The following HPSE2 variants were observed in gnomAD, a reference collection of about 807,000 sequenced individuals.
The protein encoded by HPSE2 is heparanase 2 (inactive), also known as inactive heparanase-2.
In HPSE2, 38 loss-of-function variants were observed where a neutral mutation model predicts 60.5. That is an observed-to-expected ratio of 0.63 (90% CI 0.48 to 0.82). The LOEUF (loss-of-function observed/expected upper bound fraction) is 0.82. Ranked by LOEUF, HPSE2 falls within the 40% of genes least tolerant of loss-of-function variation. HPSE2 has a pLI of 0.00. For synonymous variants in HPSE2, 295 were observed against 293.2 expected (o/e 1.01, Z -0.06); for missense variants, 713 against 740.4 (o/e 0.96, Z 0.43).
At position 98,773,085 on chromosome 10, in the gene HPSE2, C is replaced by G. The variant is rs149313648; in HGVS notation, c.611-29029G>C. Among the ~76,000 whole-genome samples the G allele has an allele frequency of 3.1e-4, 47 of 152,260 alleles. No individual in the cohort carries two copies. In the East Asian group the frequency reaches 7.7e-3, roughly 25 times the overall value. Reference sequence around the variant, plus strand: ...TTCCTATGGTGATCTGTTTCAAGATCCTAGCCAGAGGCATAGGAGCCTCCA... The same window carrying G: ...TTCCTATGGTGATCTGTTTCAAGATGCTAGCCAGAGGCATAGGAGCCTCCA... On this transcript the variant is annotated intron_variant, in intron 3 of 11. Transcript: ENST00000370552.
chr10:99,294,353 T>G, the HPSE2 span, among the ~76,000 whole-genome samples: 945 of 147,114 alleles, frequency 6.4e-3, 9 homozygotes, highest in African/African-American at 0.022. Context: ...ATGTAAATTT[T>G]TATATATTAT....
chr10:98,891,405 A>T (rs1332350561), intron 3 of HPSE2, among the ~76,000 whole-genome samples: 1 of 152,188 alleles, frequency 6.6e-6, no homozygotes, highest in African/African-American at 2.4e-5. Context: ...TAATGAAATT[A>T]CATTACCACT....
intron 3 of HPSE2, among the ~76,000 whole-genome samples, chr10:99,085,864 C>G (rs189281302): frequency 8.5e-5 from 13 of 152,300 alleles, no homozygotes; most frequent in Admixed American, 8.5e-4. Context: ...CTAAACACAT[C>G]AGATGCCTCA....
chr10:99,102,016 C>T (rs1467011852), intron 3 of HPSE2, among the ~76,000 whole-genome samples: 6 of 152,200 alleles, frequency 3.9e-5, no homozygotes, highest in Admixed American at 3.3e-4. Context: ...GCACTAAATG[C>T]CCACAAGAGA....
intron 5 of HPSE2, among the ~76,000 whole-genome samples, chr10:98,707,546 C>A (rs1458747817): frequency 6.6e-6 from 1 of 152,020 alleles, no homozygotes; most frequent in East Asian, 1.9e-4. Flanking sequence ...AATGAGAAAA[C>A]TATTATTTAA....
chr10:98,917,219 G>C (rs1954144209), intron 3 of HPSE2, among the ~76,000 whole-genome samples: 1 of 151,720 alleles, frequency 6.6e-6, no homozygotes. Flanking sequence ...AATTTGAGAG[G>C]GAAACACTAA....
chr10:98,985,811 C>T lies in HPSE2; in HGVS notation c.610+158427G>A, dbSNP rs192971963. Among the ~76,000 whole-genome samples, 484 of 151,430 alleles carry T rather than the reference C, an allele frequency of 3.2e-3. 3 individuals are homozygous for T. Among genetic ancestry groups the T allele is most frequent in the Non-Finnish European group, 4.3e-3 (292 of 67,830 alleles). ...GATGGAGGAAGATCTACCAAGCAAACGGAAAACAAAAAAAGGCAGGGGTTG... is the reference window on the plus strand; with the variant it reads ...GATGGAGGAAGATCTACCAAGCAAATGGAAAACAAAAAAAGGCAGGGGTTG... On this transcript the variant is annotated intron_variant, in intron 3 of 11. Coordinates refer to ENST00000370552, the MANE Select transcript of HPSE2 (RefSeq NM_021828.5).
At chr10:98,828,406 G>A (rs7096431) in intron 3 of HPSE2, among the ~76,000 whole-genome samples, 106 of 152,214 alleles carry the variant, frequency 7.0e-4, no homozygotes, top group Admixed American at 2.6e-3. Context: ...ACTCATAATC[G>A]TCTGATTCCT....
chr10:98,527,079 C>G (rs918676910), intron 9 of HPSE2, among the ~76,000 whole-genome samples: 3 of 152,086 alleles, frequency 2.0e-5, no homozygotes, highest in African/African-American at 7.2e-5. Context: ...CTTACCCCTT[C>G]CTAGCTGATT....
At chr10:98,749,954 A>ACACACACG (rs1949720481) in intron 3 of HPSE2, among the ~76,000 whole-genome samples, 1 of 146,456 alleles carries the variant, frequency 6.8e-6, no homozygotes, top group South Asian at 2.1e-4. Flanking sequence ...ATATACACAC[A>ACACACACG]CACTTACACA....
the HPSE2 span, among the ~76,000 whole-genome samples, chr10:99,305,962 CG>C: frequency 3.3e-5 from 1 of 30,104 alleles, no homozygotes; most frequent in African/African-American, 7.1e-5. Context: ...CTCACACACA[CG>C]CGCGCGCGCG....
At chr10:98,807,384 T>C (rs886886700) in intron 3 of HPSE2, among the ~76,000 whole-genome samples, 1 of 152,236 alleles carries the variant, frequency 6.6e-6, no homozygotes, top group African/African-American at 2.4e-5. Context: ...TCTTACTCTT[T>C]AAATCAGACA....
intron 9 of HPSE2, among the ~76,000 whole-genome samples, chr10:98,555,584 A>G (rs560324994): frequency 4.6e-5 from 7 of 152,204 alleles, no homozygotes; most frequent in Non-Finnish European, 8.8e-5. Flanking sequence ...CCTTGCCTCA[A>G]GCAAATAAGC....
At chr10:98,804,699 C>T (rs10883207) in intron 3 of HPSE2, among the ~76,000 whole-genome samples, 7,896 of 152,020 alleles carry the variant, frequency 0.052, 444 homozygotes, top group East Asian at 0.17. Context: ...TAAATTAGTA[C>T]GACTACTATG....
At chr10:99,250,013 G>T in the HPSE2 span, among the ~76,000 whole-genome samples, 1 of 151,860 alleles carries the variant, frequency 6.6e-6, no homozygotes, top group Non-Finnish European at 1.5e-5. Flanking sequence ...CATGGTGGCG[G>T]GTGCCTGTAA....
intron 3 of HPSE2, among the ~76,000 whole-genome samples, chr10:98,940,272 C>CA (rs1219585546): frequency 7.0e-6 from 1 of 143,372 alleles, no homozygotes; most frequent in African/African-American, 2.8e-5. Flanking sequence ...AAAAACCCTT[C>CA]AAAAAATTAA....
At chr10:99,080,015 G>C (rs1272066478) in intron 3 of HPSE2, among the ~76,000 whole-genome samples, 1 of 152,096 alleles carries the variant, frequency 6.6e-6, no homozygotes, top group Non-Finnish European at 1.5e-5. Context: ...TCTTGTGAAA[G>C]GGTATCCTGA....
At chr10:98,559,007 G>A (rs573981508) in intron 9 of HPSE2, among the ~76,000 whole-genome samples, 1 of 152,110 alleles carries the variant, frequency 6.6e-6, no homozygotes, top group East Asian at 1.9e-4. Context: ...TGTGTCCCTG[G>A]GAATCGAAGC....
chr10:99,100,349 A>G (rs986003772), intron 3 of HPSE2, among the ~76,000 whole-genome samples: 23 of 152,346 alleles, frequency 1.5e-4, no homozygotes, highest in Non-Finnish European at 5.9e-5. Flanking sequence ...ACAAATACAT[A>G]AGCTTCAGTA....
Sources: allele counts gnomAD v4.1 joint callset (sites outside exome capture counted in the v4.1 genomes callset), GRCh38; gene constraint gnomAD v4.1.1; transcripts MANE v1.5; gene names NCBI Gene and HGNC (gene_info 2026-07-23, HGNC 2026-07-21).